The following DLG2 variants were observed in gnomAD, a reference collection of about 807,000 sequenced individuals.
The protein encoded by DLG2 is discs large MAGUK scaffold protein 2, also known as disks large homolog 2.
A neutral mutation model predicts 132.5 loss-of-function variants in DLG2; 45 were observed. That is an observed-to-expected ratio of 0.34 (90% CI 0.27 to 0.44). The LOEUF is 0.44. DLG2 is among the 20% of genes least tolerant of loss of function. The pLI is 1.00. For missense variants in DLG2, 1,045 were observed against 1,196.9 expected (o/e 0.87, Z 1.87); for synonymous variants, 424 against 419.6 (o/e 1.01, Z -0.13).
chr11:83,851,999 T>C (rs1241606834), intron 16 of DLG2, among the ~76,000 whole-genome samples: 1 of 151,390 alleles, frequency 6.6e-6, no homozygotes, highest in Non-Finnish European at 1.5e-5. Flanking sequence ...GAGGCCAGTG[T>C]TGGAGTGGTG....
rs115283245 is a variant in DLG2 at position 85,582,183 on chromosome 11, T to C, written c.40+16474A>G. ...ACCATGTATTCTAAGTTTGGTGAGG[T>C]AGGACATGAAGACTTACGGTAGCTA... is the stretch of plus-strand genomic sequence containing the variant. On this transcript the variant is annotated intron_variant, in intron 3 of 27. Transcript: ENST00000376104. Among the ~76,000 whole-genome samples, 171 of 152,168 alleles carry C rather than the reference T, an allele frequency of 1.1e-3. 1 individual carries two copies. The highest frequency in any genetic ancestry group is 4.0e-3 in the African/African-American group (165 of 41,504).
chr11:83,946,367 G>A (rs895043798), intron 14 of DLG2, among the ~76,000 whole-genome samples: 3 of 152,150 alleles, frequency 2.0e-5, no homozygotes, highest in African/African-American at 4.8e-5. Flanking sequence ...CTGTGCATCA[G>A]AATCACCTGT....
intron 7 of DLG2, among the ~76,000 whole-genome samples, chr11:84,510,898 AAGGAAGAAACTCCCCCATAC>A (rs1047112906): frequency 6.6e-6 from 1 of 151,892 alleles, no homozygotes; most frequent in African/African-American, 2.4e-5. Context: ...GAGAAGGGAG[AAGGAAGAAACTCCCCCATAC>A]AGGGACAGAG....
At chr11:83,650,343 G>A (rs983947345) in intron 18 of DLG2, among the ~76,000 whole-genome samples, 9 of 152,130 alleles carry the variant, frequency 5.9e-5, no homozygotes, top group African/African-American at 2.2e-4. Context: ...GGAAATAGAA[G>A]GTAAGATAAT....
intron 18 of DLG2, among the ~76,000 whole-genome samples, chr11:83,688,766 C>T (rs1055706991): frequency 1.2e-4 from 18 of 152,262 alleles, no homozygotes; most frequent in African/African-American, 3.6e-4. Context: ...AGAAAGCCTT[C>T]CTACATATAA....
intron 3 of DLG2, among the ~76,000 whole-genome samples, chr11:85,479,937 A>T (rs533258059): frequency 1.8e-4 from 28 of 152,156 alleles, no homozygotes; most frequent in African/African-American, 6.7e-4. Flanking sequence ...ATTGTGGCCC[A>T]CCCTAAAGAC....
chr11:85,584,887 G>C, intron 3 of DLG2, among the ~76,000 whole-genome samples: 1 of 152,170 alleles, frequency 6.6e-6, no homozygotes, highest in East Asian at 1.9e-4. Flanking sequence ...ATTCCCTGTA[G>C]ATTTTGGATA....
At chr11:85,069,884 C>A (rs1440328555) in intron 6 of DLG2, among the ~76,000 whole-genome samples, 1 of 152,044 alleles carries the variant, frequency 6.6e-6, no homozygotes, top group Non-Finnish European at 1.5e-5. Context: ...TTCACAATAG[C>A]AAAGACTTGG....
In DLG2 at chr11:85,465,481, G is replaced by A. The variant is rs542995954; in HGVS notation, c.40+133176C>T. ...TCCCCCCACCCCACAACAGGCCCTG[G>A]TGTGTGATGTTCCCCTTCCTGTGTC... On this transcript the variant is annotated intron_variant, in intron 3 of 27. Coordinates refer to ENST00000376104, the MANE Select transcript of DLG2 (RefSeq NM_001142699.3). Among the ~76,000 whole-genome samples the A allele has an allele frequency of 3.9e-5, 6 of 152,124 alleles. No homozygotes were observed. In the East Asian group the frequency reaches 1.2e-3, roughly 29 times the overall value.
At chr11:84,059,234 T>A in intron 11 of DLG2, 81 bp downstream of exon 11, 1 of 1,380,740 alleles carries the variant, frequency 7.2e-7, no homozygotes, top group Non-Finnish European at 1.0e-6. Context: ...GGTTAAAGAG[T>A]TCATCATACG....
intron 19 of DLG2, among the ~76,000 whole-genome samples, chr11:83,581,992 G>A (rs2096986588): frequency 9.6e-6 from 1 of 104,584 alleles, no homozygotes. Context: ...GTTTCACTCT[G>A]GTTGCGCAGG....
intron 17 of DLG2, among the ~76,000 whole-genome samples, chr11:83,793,777 A>G (rs781723990): frequency 6.6e-6 from 1 of 152,218 alleles, no homozygotes; most frequent in Non-Finnish European, 1.5e-5. Flanking sequence ...AGCAAATAGT[A>G]TCTATTATTA....
At chr11:85,541,468 A>G (rs940958725) in intron 3 of DLG2, among the ~76,000 whole-genome samples, 1 of 150,988 alleles carries the variant, frequency 6.6e-6, no homozygotes, top group Non-Finnish European at 1.5e-5. Flanking sequence ...AATGAGTATT[A>G]TTATTTATGA....
intron 7 of DLG2, among the ~76,000 whole-genome samples, chr11:84,367,743 C>A (rs2098689992): frequency 6.6e-6 from 1 of 152,070 alleles, no homozygotes; most frequent in African/African-American, 2.4e-5. Flanking sequence ...GCAAGTGGAC[C>A]TCACCAGAAG....
chr11:85,413,494 A>C (rs1410858554), intron 3 of DLG2, among the ~76,000 whole-genome samples: 3 of 152,008 alleles, frequency 2.0e-5, no homozygotes, highest in Non-Finnish European at 4.4e-5. Context: ...AATGTCTAGA[A>C]GGATTTTTTT....
chr11:84,368,923 A>G (rs937999333), intron 7 of DLG2, among the ~76,000 whole-genome samples: 1 of 152,162 alleles, frequency 6.6e-6, no homozygotes, highest in Non-Finnish European at 1.5e-5. Context: ...TCCAGAGTCC[A>G]GTATACTGCA....
intron 10 of DLG2, among the ~76,000 whole-genome samples, chr11:84,088,780 A>G (rs2097037623): frequency 6.6e-6 from 1 of 152,194 alleles, no homozygotes; most frequent in South Asian, 2.1e-4. Context: ...AATAATCCTT[A>G]AGAATGAGTC....
intron 4 of DLG2, among the ~76,000 whole-genome samples, chr11:85,246,656 A>G (rs2076148438): frequency 6.6e-6 from 1 of 151,920 alleles, no homozygotes; most frequent in Non-Finnish European, 1.5e-5. Flanking sequence ...CTCAGTAACT[A>G]AAATCTACAT....
At chr11:83,679,450 A>G (rs2078357316) in intron 18 of DLG2, among the ~76,000 whole-genome samples, 1 of 152,208 alleles carries the variant, frequency 6.6e-6, no homozygotes, top group African/African-American at 2.4e-5. Context: ...AATAAAATGT[A>G]TTCTTTGAAT....
Sources: allele counts gnomAD v4.1 joint callset (sites outside exome capture counted in the v4.1 genomes callset), GRCh38; gene constraint gnomAD v4.1.1; transcripts MANE v1.5; gene names NCBI Gene and HGNC (gene_info 2026-07-23, HGNC 2026-07-21).